Variants in DNAH9 observed in about 807,000 individuals in gnomAD.
The protein encoded by DNAH9 is dynein axonemal heavy chain 9.
In DNAH9, 345 loss-of-function variants were observed where a neutral mutation model predicts 471.6. That is an observed-to-expected ratio of 0.73 (90% CI 0.67 to 0.80). The LOEUF (loss-of-function observed/expected upper bound fraction) is 0.80. Ranked by LOEUF, DNAH9 falls within the 30% of genes least tolerant of loss-of-function variation. DNAH9 has a pLI of 0.00. For synonymous variants in DNAH9, 2,093 were observed against 2,123.6 expected (o/e 0.99, Z 0.40); for missense variants, 5,407 against 5,609.2 (o/e 0.96, Z 1.15).
At chr17:11,762,788 T>TTTTTTTTTTG (rs1967762225) in intron 35 of DNAH9, among the ~76,000 whole-genome samples, 5 of 121,186 alleles carry the variant, frequency 4.1e-5, no homozygotes, top group Non-Finnish European at 6.7e-5. Context: ...TTTTTTTTTT[T>TTTTTTTTTTG]TTTTTTTTTG....
chr17:11,678,004 CTA>C (rs10544168), intron 17 of DNAH9, among the ~76,000 whole-genome samples: 146,358 of 151,508 alleles, frequency 0.97, 70,763 homozygotes, highest in Middle Eastern at 0.99. Context: ...GCCCCAGGAA[CTA>C]TATATATATA....
At chr17:11,676,711 A>G (rs2074056229) in intron 17 of DNAH9, among the ~76,000 whole-genome samples, 2 of 151,930 alleles carry the variant, frequency 1.3e-5, no homozygotes, top group African/African-American at 4.8e-5. Context: ...TTCTTTTATT[A>G]TTTCCTTTAC....
intron 26 of DNAH9, among the ~76,000 whole-genome samples, chr17:11,712,571 T>C (rs1169309166): frequency 6.6e-6 from 1 of 152,176 alleles, no homozygotes. Flanking sequence ...CTCCACATCC[T>C]TGACAATATT....
At chr17:11,628,582 G>A (rs75459053) in intron 6 of DNAH9, among the ~76,000 whole-genome samples, 28,267 of 152,046 alleles carry the variant, frequency 0.19, 3,399 homozygotes, top group Non-Finnish European at 0.26. Flanking sequence ...CAGCGAGGGC[G>A]CCCTGCAGGA....
intron 41 of DNAH9, among the ~76,000 whole-genome samples, chr17:11,789,613 C>G (rs1597650473): frequency 6.6e-6 from 1 of 151,918 alleles, no homozygotes; most frequent in East Asian, 1.9e-4. Context: ...GTCAAAAAAC[C>G]TGAAGGGTAT....
intron 38 of DNAH9, among the ~76,000 whole-genome samples, chr17:11,780,078 A>T (rs1009286375): frequency 2.0e-5 from 3 of 152,226 alleles, no homozygotes; most frequent in Non-Finnish European, 4.4e-5. Flanking sequence ...AAGTACAGAT[A>T]TCTCCACCCT....
chr17:11,920,335 A>T (rs1326835737), intron 61 of DNAH9, among the ~76,000 whole-genome samples: 1 of 151,438 alleles, frequency 6.6e-6, no homozygotes, highest in Non-Finnish European at 1.5e-5. Context: ...CTCTTTCAAG[A>T]TGAGGTTGGG....
chr17:11,728,713 G>A (rs781026407), intron 28 of DNAH9, among the ~76,000 whole-genome samples: 2 of 152,096 alleles, frequency 1.3e-5, no homozygotes, highest in Admixed American at 1.3e-4. Flanking sequence ...TGAAGGGGGG[G>A]AACGTTTGAA....
In DNAH9 at chr17:11,962,680, G is replaced by T. The variant is rs1976320025; in HGVS notation, c.13233+424G>T. Among the ~76,000 whole-genome samples, 1 of 149,756 alleles carries T rather than the reference G, an allele frequency of 6.7e-6. No homozygotes were observed. The highest frequency in any genetic ancestry group is 2.1e-4 in the South Asian group (1 of 4,800). ...AAAAATGTTGGAGTCAGCTATCTCT[G>T]CTGCTGCTGCTGTGTGTCTGTCGCC... On this transcript the variant is annotated intron_variant, in intron 68 of 68. Transcript: ENST00000262442. The surrounding 1 kb of genome is among the most constrained non-coding windows in gnomAD (Gnocchi z 4.1).
chr17:11,822,293 G>A, intron 46 of DNAH9, 145 bp from the exon 47 acceptor site: 1 of 1,109,558 alleles, frequency 9.0e-7, no homozygotes, highest in African/African-American at 1.6e-5. Flanking sequence ...CTTGGCTGGT[G>A]AGGCTGGCTA....
At chr17:11,620,063 A>C in intron 6 of DNAH9, 2 of 412,588 alleles carry the variant, frequency 4.8e-6, no homozygotes, top group South Asian at 2.7e-5. Flanking sequence ...ATACAACAAC[A>C]ACAAAATAGC....
At chr17:11,780,071 T>G (rs186001026) in intron 38 of DNAH9, among the ~76,000 whole-genome samples, 534 of 152,326 alleles carry the variant, frequency 3.5e-3, no homozygotes, top group Middle Eastern at 6.8e-3. Flanking sequence ...CTGGAAAAAG[T>G]ACAGATATCT....
intron 65 of DNAH9, among the ~76,000 whole-genome samples, chr17:11,934,991 T>G (rs1974659170): frequency 6.6e-6 from 1 of 151,940 alleles, no homozygotes; most frequent in Non-Finnish European, 1.5e-5. Context: ...TGAGACGGAG[T>G]CTTGATCTGT....
At chr17:11,711,132 CTGAT>C (rs1473123896) in intron 26 of DNAH9, among the ~76,000 whole-genome samples, 1 of 152,122 alleles carries the variant, frequency 6.6e-6, no homozygotes, top group African/African-American at 2.4e-5. Context: ...AGGGAGGTCT[CTGAT>C]TGGTCCTATT....
Position 11,871,775 on chromosome 17 carries a change from A to C in DNAH9, c.10231A>C (p.Ser3411Arg), listed in dbSNP as rs756281954. The change falls in exon 52 of 69, where the codon AGC becomes CGC. Residue 3411 changes from serine (S) to arginine (R), a missense_variant. Physicochemically the swap from Ser to Arg is moderately radical, Grantham distance 110. This residue lies in a region of DNAH9 where 4,636 missense variants were observed against 4,900.3 expected (regional missense o/e 0.95). Coordinates refer to ENST00000262442, the MANE Select transcript of DNAH9 (RefSeq NM_001372.4). Reference sequence around the variant, plus strand: ...GGACAGAACTTGGAGGCCCTACCTGAGCCAGCTGAAAGTACGTATGGCCTG... The same window carrying C: ...GGACAGAACTTGGAGGCCCTACCTGCGCCAGCTGAAAGTACGTATGGCCTG... ...LLDRTWRPYL[S>R]QLKTPIPVTP... The C allele has an allele frequency of 1.9e-6, 3 of 1,613,920 alleles. No homozygotes were observed. Among genetic ancestry groups the C allele is most frequent in the Non-Finnish European group, 2.5e-6 (3 of 1,179,934 alleles).
intron 49 of DNAH9, among the ~76,000 whole-genome samples, chr17:11,846,510 T>C (rs1196678549): frequency 1.3e-5 from 2 of 149,868 alleles, no homozygotes; most frequent in African/African-American, 2.4e-5. Flanking sequence ...CCATATGAAC[T>C]TTAAAGTAGT....
chr17:11,734,365 G>A (rs761428478), intron 28 of DNAH9, among the ~76,000 whole-genome samples: 3 of 152,204 alleles, frequency 2.0e-5, no homozygotes, highest in East Asian at 1.9e-4. Flanking sequence ...TGTCCACCCC[G>A]AAAAGATGTT....
At chr17:11,651,413 T>G (rs754026823) in intron 13 of DNAH9, 89 bp downstream of exon 13, 14 of 1,359,884 alleles carry the variant, frequency 1.0e-5, no homozygotes, top group Non-Finnish European at 1.4e-5. Context: ...TCCCTGGTAA[T>G]CTTATTTGGG....
chr17:11,910,270 G>A (rs1490166959), intron 61 of DNAH9, among the ~76,000 whole-genome samples: 1 of 151,566 alleles, frequency 6.6e-6, no homozygotes, highest in African/African-American at 2.4e-5. Context: ...AAAAAAAATT[G>A]CCTATTCTGG....
Sources: allele counts gnomAD v4.1 joint callset (sites outside exome capture counted in the v4.1 genomes callset), GRCh38; gene constraint gnomAD v4.1.1; regional missense constraint gnomAD v4.1.1; non-coding constraint Gnocchi (gnomAD v3.1); transcripts MANE v1.5; gene names NCBI Gene and HGNC (gene_info 2026-07-23, HGNC 2026-07-21).